The following RANBP2 variants were observed in gnomAD, a reference collection of about 807,000 sequenced individuals.
RANBP2 encodes RAN binding protein 2, also known as E3 SUMO-protein ligase RanBP2.
RANBP2 carries 57 observed loss-of-function variants against 303.6 expected under a neutral mutation model. The observed-to-expected ratio is 0.19, with a 90% CI of 0.15 to 0.23. The LOEUF is 0.23. RANBP2 is among the 10% of genes least tolerant of loss of function. RANBP2 has a pLI of 1.00. For synonymous variants in RANBP2, 1,167 were observed against 1,301.5 expected (o/e 0.90, Z 2.23); for missense variants, 3,138 against 3,780.8 (o/e 0.83, Z 4.46).
At chr2:109,566,028 C>T in the RANBP2 span, among the ~76,000 whole-genome samples, 1 of 152,088 alleles carries the variant, frequency 6.6e-6, no homozygotes, top group African/African-American at 2.4e-5. Flanking sequence ...GCTAACTGTT[C>T]TACAAGAGTC....
At chr2:109,343,842 T>G in the RANBP2 span, among the ~76,000 whole-genome samples, 1 of 151,678 alleles carries the variant, frequency 6.6e-6, no homozygotes, top group African/African-American at 2.4e-5. Context: ...ACTCCCAGGC[T>G]CACTCAGTTT....
the RANBP2 span, among the ~76,000 whole-genome samples, chr2:109,453,668 A>C: frequency 6.6e-6 from 1 of 152,236 alleles, no homozygotes; most frequent in African/African-American, 2.4e-5. Flanking sequence ...GAGCGCAGGC[A>C]CACGGTTCAT....
At chr2:109,526,059 A>G in the RANBP2 span, among the ~76,000 whole-genome samples, 10 of 152,156 alleles carry the variant, frequency 6.6e-5, no homozygotes, top group Non-Finnish European at 8.8e-5. Context: ...ACCAGTCACC[A>G]TCAGGGCCCC....
chr2:109,455,723 T>C, the RANBP2 span, among the ~76,000 whole-genome samples: 3 of 152,220 alleles, frequency 2.0e-5, no homozygotes, highest in Non-Finnish European at 4.4e-5. Context: ...GGTAGACCCT[T>C]ACTCGTCCAT....
chr2:108,857,939 G>A, the RANBP2 span, among the ~76,000 whole-genome samples: 1 of 152,230 alleles, frequency 6.6e-6, no homozygotes, highest in African/African-American at 2.4e-5. Flanking sequence ...TTATGAAATA[G>A]TTGACCTGCT....
At chr2:109,070,224 C>T in the RANBP2 span, among the ~76,000 whole-genome samples, 1 of 152,086 alleles carries the variant, frequency 6.6e-6, no homozygotes, top group Non-Finnish European at 1.5e-5. Context: ...AGGGGCTGGA[C>T]CCTCTGGAGC....
At chr2:109,233,875 A>G in the RANBP2 span, among the ~76,000 whole-genome samples, 56 of 152,318 alleles carry the variant, frequency 3.7e-4, no homozygotes, top group African/African-American at 1.3e-3. Flanking sequence ...TGTTTTGTCT[A>G]TCAGTAGGGT....
the RANBP2 span, among the ~76,000 whole-genome samples, chr2:108,888,040 C>T: frequency 0.01 from 1,591 of 152,144 alleles, 28 homozygotes; most frequent in African/African-American, 0.037. Flanking sequence ...TAAGTTTCTT[C>T]TATGCCTAGT....
the RANBP2 span, among the ~76,000 whole-genome samples, chr2:109,677,073 C>G: frequency 2.6e-5 from 4 of 152,168 alleles, no homozygotes; most frequent in Non-Finnish European, 5.9e-5. Context: ...CAGATGGGCC[C>G]TTGCTCCCTT....
chr2:109,340,638 G>C, the RANBP2 span, among the ~76,000 whole-genome samples: 1 of 152,164 alleles, frequency 6.6e-6, no homozygotes, highest in African/African-American at 2.4e-5. Flanking sequence ...TGGAACATCT[G>C]TTTGCCTCAG....
At chr2:109,065,613 T>G in the RANBP2 span, among the ~76,000 whole-genome samples, 2 of 152,100 alleles carry the variant, frequency 1.3e-5, no homozygotes, top group African/African-American at 4.8e-5. Flanking sequence ...AAGGAGGCGG[T>G]CCAGTGGAGA....
At chr2:109,243,613 T>C in the RANBP2 span, among the ~76,000 whole-genome samples, 10 of 152,102 alleles carry the variant, frequency 6.6e-5, no homozygotes, top group African/African-American at 2.4e-4. Flanking sequence ...GGGAACATTT[T>C]TAAAGAGATG....
At chr2:108,828,371 T>G in the RANBP2 span, among the ~76,000 whole-genome samples, 1 of 152,184 alleles carries the variant, frequency 6.6e-6, no homozygotes, top group African/African-American at 2.4e-5. Context: ...AAAATTGATA[T>G]GGAATCTGAA....
the RANBP2 span, among the ~76,000 whole-genome samples, chr2:108,946,790 CCA>C: frequency 6.6e-6 from 1 of 152,162 alleles, no homozygotes; most frequent in Non-Finnish European, 1.5e-5. Context: ...CAATCACCTC[CCA>C]CCATGTTTCT....
At chr2:108,958,383 C>A in the RANBP2 span, among the ~76,000 whole-genome samples, 935 of 129,814 alleles carry the variant, frequency 7.2e-3, 12 homozygotes, top group African/African-American at 0.033. Context: ...TCATTAATAA[C>A]CATGAAATAG....
chr2:109,101,396 G>A, the RANBP2 span, among the ~76,000 whole-genome samples: 22 of 151,734 alleles, frequency 1.4e-4, no homozygotes, highest in African/African-American at 2.7e-4. Context: ...AGGTGGTGGC[G>A]GGCACCTGTA....
At chr2:109,107,945 G>A in the RANBP2 span, among the ~76,000 whole-genome samples, 2 of 151,598 alleles carry the variant, frequency 1.3e-5, no homozygotes, top group African/African-American at 2.4e-5. Context: ...TTGCTCTGTC[G>A]CCCAGGCTGG....
At chr2:109,392,515 C>T in the RANBP2 span, among the ~76,000 whole-genome samples, 1 of 146,714 alleles carries the variant, frequency 6.8e-6, no homozygotes, top group East Asian at 2.0e-4. Context: ...CTTGCTTCTT[C>T]TTTTTTTTTT....
At chr2:109,286,429 C>T in the RANBP2 span, among the ~76,000 whole-genome samples, 22 of 152,310 alleles carry the variant, frequency 1.4e-4, no homozygotes, top group African/African-American at 5.1e-4. Context: ...GGGCATGGGG[C>T]TCAGGTCCTG....
Sources: gnomAD v4.1 joint callset for allele counts (sites outside exome capture counted in the v4.1 genomes callset) on GRCh38, gnomAD v4.1.1 for gene constraint, MANE v1.5 for transcripts, NCBI Gene and HGNC (gene_info 2026-07-23, HGNC 2026-07-21) for gene names.